The following LHX8 variants were observed in gnomAD, a reference collection of about 807,000 sequenced individuals.
The protein encoded by LHX8 is LIM homeobox 8.
A neutral mutation model predicts 40.3 loss-of-function variants in LHX8; 12 were observed. The observed-to-expected ratio is 0.30, with a 90% CI of 0.19 to 0.48. The LOEUF (loss-of-function observed/expected upper bound fraction) is 0.48, where lower values mean the gene tolerates loss of function less well. LHX8 is among the 20% of genes least tolerant of loss of function. The pLI is 0.99. For missense variants in LHX8, 344 were observed against 433.7 expected (o/e 0.79, Z 1.84); for synonymous variants, 179 against 162.0 (o/e 1.10, Z -0.80).
chr1:75,191,967 G>A, the LHX8 span, among the ~76,000 whole-genome samples: 4 of 152,054 alleles, frequency 2.6e-5, no homozygotes, highest in Non-Finnish European at 5.9e-5. Context: ...GAAAAAATAT[G>A]TATAGCCAGT....
At chr1:75,147,181 C>T (rs1648481645) in intron 6 of LHX8, among the ~76,000 whole-genome samples, 1 of 152,112 alleles carries the variant, frequency 6.6e-6, no homozygotes, top group African/African-American at 2.4e-5. Context: ...GTTCTGTTTA[C>T]AGTGAGTCTG....
chr1:75,160,741 T>C, intron 8 of LHX8, 78 bp from the exon 9 acceptor site: 2 of 955,990 alleles, frequency 2.1e-6, no homozygotes, highest in African/African-American at 1.6e-5. Flanking sequence ...AACAATGCCT[T>C]GGATTGTTTT....
chr1:75,154,665 T>A (rs1648707315), intron 7 of LHX8, among the ~76,000 whole-genome samples: 1 of 152,124 alleles, frequency 6.6e-6, no homozygotes, highest in Admixed American at 6.5e-5. Context: ...TAGTGACATC[T>A]ATTGTTCCAG....
At chr1:75,180,133 C>T in the LHX8 span, among the ~76,000 whole-genome samples, 8 of 152,092 alleles carry the variant, frequency 5.3e-5, no homozygotes, top group Admixed American at 4.6e-4. Context: ...TTTTTTCCTT[C>T]ATTTCAACCT....
chr1:75,187,670 G>A, the LHX8 span, among the ~76,000 whole-genome samples: 1 of 152,108 alleles, frequency 6.6e-6, no homozygotes, highest in Admixed American at 6.5e-5. Context: ...TTTACCAGTG[G>A]AGTGGAGAAG....
intron 7 of LHX8, among the ~76,000 whole-genome samples, chr1:75,152,951 A>G (rs930798394): frequency 1.8e-4 from 28 of 152,036 alleles, no homozygotes; most frequent in African/African-American, 6.5e-4. Flanking sequence ...CTGTTGGGTT[A>G]TTTTCTCTAT....
Position 75,137,127 on chromosome 1 carries a change from G to A in LHX8, c.103G>A (p.Asp35Asn). The change falls in exon 3 of 9, where the codon GAC becomes AAC. Residue 35 changes from aspartate to asparagine, a missense_variant. Asp to Asn is a conservative substitution (Grantham distance 23). Transcript: ENST00000356261. ...LVSPEGAGDEDSCSSSAPLSP... is the reference protein window; with the variant it reads ...LVSPEGAGDENSCSSSAPLSP... ...GAGCCCCGAGGGAGCGGGGGACGAGGACTCGTGCTCCTCCTCGGCCCCGCT... is the reference window on the plus strand; with the variant it reads ...GAGCCCCGAGGGAGCGGGGGACGAGAACTCGTGCTCCTCCTCGGCCCCGCT... 1 of 1,609,946 alleles carries A rather than the reference G, an allele frequency of 6.2e-7. No homozygotes were observed. Among genetic ancestry groups the A allele is most frequent in the Non-Finnish European group, 8.5e-7 (1 of 1,177,710 alleles).
rs1648069750 is a variant in LHX8 at position 75,134,741 on chromosome 1, T to G, written c.-226T>G. ...CCTGGCCAGACCAGCTGAATCGCAG[T>G]GTCCTTGAAACTCGAGTTGTTTGGG... On this transcript the variant is annotated 5_prime_UTR_variant, in exon 1 of 9. Transcript: ENST00000356261. 2 of 165,128 alleles carry G rather than the reference T, an allele frequency of 1.2e-5. No homozygotes were observed. The highest frequency in any genetic ancestry group is 6.5e-5 in the Admixed American group (1 of 15,288). The allele number at this position is 165,128 out of a possible 1,614,324, so 10.2% of individuals were successfully genotyped here. A position where few individuals can be genotyped will look rare whatever the true frequency, so the allele number is the denominator to read the frequency against.
At chr1:75,148,566 C>T in intron 6 of LHX8, 21 bp from the exon 7 acceptor site, 2 of 1,560,540 alleles carry the variant, frequency 1.3e-6, no homozygotes, top group Non-Finnish European at 1.8e-6. Flanking sequence ...CTATTTACTA[C>T]ATACATGTTT....
the LHX8 span, among the ~76,000 whole-genome samples, chr1:75,177,507 T>C: frequency 5.3e-5 from 8 of 152,224 alleles, no homozygotes; most frequent in Non-Finnish European, 8.8e-5. Context: ...ATGCTTGTGA[T>C]TTTTGCACAT....
chr1:75,134,900 T>C lies in LHX8; in HGVS notation c.-67T>C. ...CCAAAAGCTCACTTAACCTGAGACATGGAGACTGTAATTTGGGAGATGAAG... is the reference window on the plus strand; with the variant it reads ...CCAAAAGCTCACTTAACCTGAGACACGGAGACTGTAATTTGGGAGATGAAG... On this transcript the variant is annotated 5_prime_UTR_variant, in exon 1 of 9. An upstream start codon of the reference 5' UTR is lost. Transcript: ENST00000356261. The C allele has an allele frequency of 5.1e-6, 5 of 985,188 alleles. No homozygotes were observed. Among genetic ancestry groups the C allele is most frequent in the Non-Finnish European group, 6.0e-6 (5 of 829,828 alleles). 61.0% of individuals were successfully genotyped at this position (985,188 alleles called of 1,614,324 possible).
chr1:75,184,877 A>T, the LHX8 span, among the ~76,000 whole-genome samples: 34 of 151,688 alleles, frequency 2.2e-4, no homozygotes, highest in Admixed American at 5.9e-4. Flanking sequence ...TAATAAGAAG[A>T]GAGAGAAGAT....
chr1:75,141,136 A>G (rs1258733103), intron 4 of LHX8, 30 bp downstream of exon 4: 2 of 1,607,882 alleles, frequency 1.2e-6, no homozygotes, highest in African/African-American at 1.3e-5. Context: ...CTTAGTAGAT[A>G]CTTGAATAAA....
Position 75,161,001 on chromosome 1 carries a change from A to T in LHX8, c.*106A>T. 1.2e-6 allele frequency: 1 copy of T among 856,850 alleles called. No individual in the cohort carries two copies. The highest frequency in any genetic ancestry group is 1.4e-5 in the South Asian group (1 of 70,834). The allele number at this position is 856,850 out of a possible 1,614,324, so 53.1% of individuals were successfully genotyped here. On this transcript the variant is annotated 3_prime_UTR_variant, in exon 9 of 9. Coordinates refer to ENST00000356261, the MANE Select transcript of LHX8 (RefSeq NM_001256114.2). ...TGTTAATTTTTTATTTAACACCTAA[A>T]GCATTTCCAACATCACTTTGCTGCC...
intron 6 of LHX8, among the ~76,000 whole-genome samples, chr1:75,145,126 T>C (rs561375819): frequency 1.3e-5 from 2 of 152,198 alleles, no homozygotes; most frequent in African/African-American, 4.8e-5. Context: ...AAGTACATAG[T>C]CAATAAGCAA....
chr1:75,131,740 G>A (rs1238492067), upstream of LHX8: 3 of 152,244 alleles, frequency 2.0e-5, 1 homozygote, highest in Non-Finnish European at 4.4e-5. Context: ...CTGTTTTTAG[G>A]GAGATACACT....
At chr1:75,140,778 A>C (rs1446256042) in intron 3 of LHX8, among the ~76,000 whole-genome samples, 1 of 152,156 alleles carries the variant, frequency 6.6e-6, no homozygotes, top group East Asian at 1.9e-4. Flanking sequence ...TATTAGTATA[A>C]ATTTTTGGTT....
chr1:75,191,127 C>T, the LHX8 span, among the ~76,000 whole-genome samples: 1 of 151,864 alleles, frequency 6.6e-6, no homozygotes, highest in Non-Finnish European at 1.5e-5. Context: ...AGCCCTTCCC[C>T]TGACACTCCT....
chr1:75,193,283 A>C, the LHX8 span, among the ~76,000 whole-genome samples: 1 of 151,812 alleles, frequency 6.6e-6, no homozygotes, highest in Non-Finnish European at 1.5e-5. Flanking sequence ...GCCTTTCCAC[A>C]TTTCTCTCCT....
Sources: allele counts gnomAD v4.1 joint callset (sites outside exome capture counted in the v4.1 genomes callset), GRCh38; gene constraint gnomAD v4.1.1; transcripts MANE v1.5; gene names NCBI Gene and HGNC (gene_info 2026-07-23, HGNC 2026-07-21).